Variants in PTPRN2 observed in about 807,000 individuals in gnomAD.
The protein encoded by PTPRN2 is receptor-type tyrosine-protein phosphatase N2.
Under a neutral mutation model 118.8 loss-of-function variants are expected in PTPRN2, and 74 were observed. That is an observed-to-expected ratio of 0.62 (90% CI 0.52 to 0.76). PTPRN2 has a LOEUF of 0.76. Ranked by LOEUF, PTPRN2 falls within the 30% of genes least tolerant of loss-of-function variation. The pLI is 0.00. For missense variants in PTPRN2, 1,481 were observed against 1,394.4 expected, an observed-to-expected ratio of 1.06 and a Z score of -0.99; for synonymous variants, 641 against 608.0, an observed-to-expected ratio of 1.05 and a Z score of -0.80.
At chr7:157,613,249 GCGACTC>G (rs1802497607) in intron 15 of PTPRN2, among the ~76,000 whole-genome samples, 1 of 152,270 alleles carries the variant, frequency 6.6e-6, no homozygotes, top group African/African-American at 2.4e-5. Flanking sequence ...ACGGCGCTAG[GCGACTC>G]CGCTTGTCCT....
chr7:158,472,917 C>CCAAATGCTG (rs1404588833), intron 2 of PTPRN2, among the ~76,000 whole-genome samples: 2 of 152,016 alleles, frequency 1.3e-5, no homozygotes, highest in African/African-American at 4.8e-5. Context: ...AAATCAGGTC[C>CCAAATGCTG]CAAATGCTGC....
intron 6 of PTPRN2, among the ~76,000 whole-genome samples, chr7:158,142,661 C>T (rs970888456): frequency 6.6e-6 from 1 of 152,334 alleles, no homozygotes; most frequent in South Asian, 2.1e-4. Context: ...TCAGCCCTCA[C>T]CATGCATTCA....
rs117154162 is a variant in PTPRN2 at position 158,160,153 on chromosome 7, C to T, written c.910+6778G>A. On this transcript the variant is annotated intron_variant, in intron 6 of 22. Transcript: ENST00000389418. ...TGACAAGGGGTGAAACTGTAGACTT[C>T]GTTTTAAGTGTCAACTTGACTGGGT... Among the ~76,000 whole-genome samples, 639 of 152,244 alleles carry T rather than the reference C, an allele frequency of 4.2e-3. 14 individuals are homozygous for T. In the East Asian group the frequency reaches 0.058, roughly 14 times the overall value.
chr7:157,755,873 A>G (rs1390382234), intron 12 of PTPRN2, among the ~76,000 whole-genome samples: 3 of 152,204 alleles, frequency 2.0e-5, no homozygotes, highest in African/African-American at 7.2e-5. Flanking sequence ...CGTACCCCCG[A>G]TTCTAAAATA....
intron 6 of PTPRN2, among the ~76,000 whole-genome samples, chr7:158,152,887 C>A (rs1261843544): frequency 8.1e-5 from 12 of 148,424 alleles, no homozygotes; most frequent in Admixed American, 3.3e-4. Flanking sequence ...CAAGAGCAGA[C>A]CAACAGACAC....
intron 3 of PTPRN2, among the ~76,000 whole-genome samples, chr7:158,268,415 T>A (rs1319226663): frequency 7.3e-4 from 64 of 87,564 alleles, no homozygotes; most frequent in South Asian, 2.7e-3. Context: ...GGCGAGTGTG[T>A]AATATCCCAG....
chr7:157,927,965 G>C lies in PTPRN2; in HGVS notation c.1724-29228C>G, dbSNP rs191887197. On this transcript the variant is annotated intron_variant, in intron 11 of 22. Transcript: ENST00000389418. Reference sequence around the variant, plus strand: ...TTGCAAACTAGGGCTGGGGTCAGGAGAGCTGCCCGACGCTTAGAGGGACTG... The same window carrying C: ...TTGCAAACTAGGGCTGGGGTCAGGACAGCTGCCCGACGCTTAGAGGGACTG... Among the ~76,000 whole-genome samples, 682 of 152,206 alleles carry C rather than the reference G, an allele frequency of 4.5e-3. 6 individuals carry two copies. The highest frequency in any genetic ancestry group is 0.015 in the African/African-American group (628 of 41,528).
At chr7:157,552,148 C>T (rs1480371510) in intron 21 of PTPRN2, among the ~76,000 whole-genome samples, 3 of 152,068 alleles carry the variant, frequency 2.0e-5, no homozygotes, top group African/African-American at 4.8e-5. Flanking sequence ...CCACAGCCAC[C>T]GTGTACCCCA....
intron 2 of PTPRN2, among the ~76,000 whole-genome samples, chr7:158,362,647 T>C (rs1809080973): frequency 1.3e-5 from 2 of 152,182 alleles, no homozygotes; most frequent in Admixed American, 6.5e-5. Flanking sequence ...TAAAGATATA[T>C]TCTAAGGAGA....
In PTPRN2 at chr7:157,741,874, T is replaced by G. The variant is rs148288490; in HGVS notation, c.1789-58937A>C. Among the ~76,000 whole-genome samples the G allele has an allele frequency of 3.5e-3, 538 of 152,356 alleles. 4 individuals carry two copies. The highest frequency in any genetic ancestry group is 0.012 in the African/African-American group (505 of 41,578). The stretch of plus-strand genomic sequence containing the variant: ...TCTCTGCTCATCTTTCCTCTTAGAC[T>G]TGGGGTCCTTGAGGGCCAGCTCTAT... On this transcript the variant is annotated intron_variant, in intron 12 of 22. Transcript: ENST00000389418.
chr7:157,605,188 A>G (rs571140725), intron 15 of PTPRN2, among the ~76,000 whole-genome samples: 1 of 152,350 alleles, frequency 6.6e-6, no homozygotes, highest in African/African-American at 2.4e-5. Flanking sequence ...TGTGAGGAGC[A>G]CGGGGTCTGG....
At chr7:158,168,538 C>T (rs910387796) in intron 5 of PTPRN2, among the ~76,000 whole-genome samples, 14 of 152,234 alleles carry the variant, frequency 9.2e-5, no homozygotes, top group African/African-American at 3.4e-4. Context: ...CAGCAGAGGC[C>T]TCAAGTGCCT....
intron 3 of PTPRN2, among the ~76,000 whole-genome samples, chr7:158,234,486 A>G (rs762829914): frequency 4.6e-5 from 7 of 152,254 alleles, no homozygotes; most frequent in African/African-American, 2.4e-5. Context: ...GTCATCAAAT[A>G]AAAACATACA....
intron 2 of PTPRN2, among the ~76,000 whole-genome samples, chr7:158,455,757 A>G (rs1563314596): frequency 1.4e-5 from 2 of 147,736 alleles, no homozygotes; most frequent in Non-Finnish European, 3.0e-5. Context: ...AGAGAAGACA[A>G]CGGCATGGAC....
intron 11 of PTPRN2, among the ~76,000 whole-genome samples, chr7:157,908,932 CCT>C (rs1248785547): frequency 3.3e-5 from 5 of 150,902 alleles, no homozygotes; most frequent in African/African-American, 4.9e-5. Context: ...CATCTTGTAC[CCT>C]GTGTGCAATT....
chr7:157,575,481 G>A (rs1799984035), intron 19 of PTPRN2, among the ~76,000 whole-genome samples: 1 of 152,224 alleles, frequency 6.6e-6, no homozygotes. Context: ...CCAGATTCAA[G>A]TGTCTCCTTG....
chr7:158,525,373 C>A lies in PTPRN2; in HGVS notation c.113-35588G>T, dbSNP rs1255762708. 6.6e-6 allele frequency among the ~76,000 whole-genome samples: 1 copy of A among 152,212 alleles called. No individual in the cohort carries two copies. Among genetic ancestry groups the A allele is most frequent in the Non-Finnish European group, 1.5e-5 (1 of 68,050 alleles). ...AAGGTAGCACGGGCAGGATGCTAGGCCCCAGGGGCCATGGGCTACGCACGG... is the reference window on the plus strand; with the variant it reads ...AAGGTAGCACGGGCAGGATGCTAGGACCCAGGGGCCATGGGCTACGCACGG... On this transcript the variant is annotated intron_variant, in intron 1 of 22. Transcript: ENST00000389418. This position sits in a 1 kb window ranked among gnomAD's most constrained non-coding sequence, Gnocchi z 4.1.
chr7:157,885,704 T>C (rs1584950666), intron 12 of PTPRN2, among the ~76,000 whole-genome samples: 1 of 152,230 alleles, frequency 6.6e-6, no homozygotes, highest in African/African-American at 2.4e-5. Context: ...GAATGTGCTA[T>C]AGATGTAGCT....
chr7:158,342,716 C>G (rs1162339324), intron 2 of PTPRN2, among the ~76,000 whole-genome samples: 1 of 152,144 alleles, frequency 6.6e-6, no homozygotes, highest in African/African-American at 2.4e-5. Context: ...GAAACTAGAG[C>G]CCAGAGAGGT....
Sources: gnomAD v4.1 joint callset for allele counts (sites outside exome capture counted in the v4.1 genomes callset) on GRCh38, gnomAD v4.1.1 for gene constraint, Gnocchi (gnomAD v3.1) non-coding constraint, MANE v1.5 for transcripts, NCBI Gene and HGNC (gene_info 2026-07-23, HGNC 2026-07-21) for gene names.